GNAL: variants seen among roughly 807,000 people sequenced by gnomAD.
GNAL encodes the protein G protein subunit alpha L.
Under a neutral mutation model 55.1 loss-of-function variants are expected in GNAL, and 18 were observed. That is an observed-to-expected ratio of 0.33 (90% CI 0.23 to 0.48). The LOEUF (loss-of-function observed/expected upper bound fraction) is 0.48. Ranked by LOEUF, GNAL falls within the 20% of genes least tolerant of loss-of-function variation. The pLI is 0.99. For missense variants in GNAL, 412 were observed against 614.1 expected (o/e 0.67, Z 3.48); for synonymous variants, 253 against 237.0 (o/e 1.07, Z -0.62).
chr18:11,870,388 G>A (rs2036369172), intron 9 of GNAL, among the ~76,000 whole-genome samples: 1 of 152,130 alleles, frequency 6.6e-6, no homozygotes, highest in Admixed American at 6.5e-5. Context: ...AGGAGTGGTG[G>A]TGGGCGCCTG....
At chr18:11,880,290 G>T (rs1451137932) in intron 11 of GNAL, among the ~76,000 whole-genome samples, 2 of 147,838 alleles carry the variant, frequency 1.4e-5, no homozygotes, top group South Asian at 2.3e-4. Flanking sequence ...CTAATTAGGT[G>T]GGGCACAGTG....
intron 4 of GNAL, among the ~76,000 whole-genome samples, chr18:11,786,971 T>C (rs1286356266): frequency 6.6e-6 from 1 of 152,038 alleles, no homozygotes; most frequent in Non-Finnish European, 1.5e-5. Flanking sequence ...AAATAATCTC[T>C]GGCTGGGCCT....
intron 5 of GNAL, 90 bp from the exon 6 acceptor site, chr18:11,862,305 G>A: frequency 1.0e-6 from 1 of 957,120 alleles, no homozygotes; most frequent in Non-Finnish European, 1.7e-6. Context: ...CATCCTTGCT[G>A]TACTTGGGTG....
At chr18:11,875,025 G>A (rs1165890873) in intron 10 of GNAL, among the ~76,000 whole-genome samples, 1 of 152,204 alleles carries the variant, frequency 6.6e-6, no homozygotes, top group African/African-American at 2.4e-5. Context: ...AATAATGATA[G>A]GACCACATGA....
chr18:11,751,140 C>A lies in GNAL; in HGVS notation c.377-1713C>A, dbSNP rs1289778163. ...GCAGCGCCAAGCCCGAGACGGTCAA[C>A]TGGGAGCCGCCACACACAAGGAACA... On this transcript the variant is annotated intron_variant, in intron 1 of 11. Coordinates refer to ENST00000334049, the MANE Select transcript of GNAL (RefSeq NM_182978.4). This position sits in a 1 kb window ranked among gnomAD's most constrained non-coding sequence, Gnocchi z 4.5. 6.6e-6 allele frequency among the ~76,000 whole-genome samples: 1 copy of A among 152,150 alleles called. No individual in the cohort carries two copies. Among genetic ancestry groups the A allele is most frequent in the Non-Finnish European group, 1.5e-5 (1 of 68,026 alleles).
At chr18:11,764,322 G>C (rs1346241514) in intron 4 of GNAL, among the ~76,000 whole-genome samples, 1 of 152,014 alleles carries the variant, frequency 6.6e-6, no homozygotes, top group Admixed American at 6.6e-5. Context: ...GGCCAGGCTG[G>C]TCTCAAACTC....
chr18:11,800,928 C>T (rs2034505981), intron 4 of GNAL, among the ~76,000 whole-genome samples: 1 of 152,170 alleles, frequency 6.6e-6, no homozygotes, highest in Non-Finnish European at 1.5e-5. Flanking sequence ...ATACAACTCC[C>T]ACTTGCAGAC....
intron 11 of GNAL, among the ~76,000 whole-genome samples, chr18:11,879,749 C>T (rs967971853): frequency 6.6e-6 from 1 of 152,054 alleles, no homozygotes; most frequent in African/African-American, 2.4e-5. Flanking sequence ...ATTAGCACAT[C>T]ACTGAGGTGG....
chr18:11,785,086 C>T (rs556561859), intron 4 of GNAL, among the ~76,000 whole-genome samples: 4 of 152,272 alleles, frequency 2.6e-5, no homozygotes, highest in Admixed American at 6.5e-5. Flanking sequence ...CCCAGTCCCA[C>T]GCTCAGTTTT....
chr18:11,878,692 C>G (rs915903941), intron 11 of GNAL, among the ~76,000 whole-genome samples: 1 of 152,084 alleles, frequency 6.6e-6, no homozygotes, highest in Non-Finnish European at 1.5e-5. Flanking sequence ...GCCTCAGCCT[C>G]CTGAGTAGCT....
At chr18:11,821,537 G>T (rs191105341) in intron 4 of GNAL, among the ~76,000 whole-genome samples, 58 of 152,304 alleles carry the variant, frequency 3.8e-4, no homozygotes, top group Admixed American at 7.2e-4. Context: ...TTTAAATAGG[G>T]ATTATCATGT....
At chr18:11,783,000 C>T (rs954496977) in intron 4 of GNAL, among the ~76,000 whole-genome samples, 1 of 152,226 alleles carries the variant, frequency 6.6e-6, no homozygotes, top group African/African-American at 2.4e-5. Flanking sequence ...AAGCCAGACT[C>T]TGACTACGCA....
At position 11,722,493 on chromosome 18, in the gene GNAL, C is replaced by T. The variant is rs529031993; in HGVS notation, c.377-30360C>T. Among the ~76,000 whole-genome samples, 4 of 152,164 alleles carry T rather than the reference C, an allele frequency of 2.6e-5. No individual in the cohort carries two copies. The South Asian group carries it at 6.2e-4, about 24-fold the overall frequency. ...CCATGTAATTTGTTAGCAAATAAAG[C>T]ACCCTTCACTGTACCATAAAGATGG... On this transcript the variant is annotated intron_variant, in intron 1 of 11. Transcript: ENST00000334049.
At chr18:11,774,973 G>A (rs1425448275) in intron 4 of GNAL, among the ~76,000 whole-genome samples, 1 of 152,190 alleles carries the variant, frequency 6.6e-6, no homozygotes, top group Non-Finnish European at 1.5e-5. Flanking sequence ...ACACAGCACA[G>A]GCCATCTTTC....
At chr18:11,844,232 G>A (rs2035682170) in intron 5 of GNAL, among the ~76,000 whole-genome samples, 1 of 152,118 alleles carries the variant, frequency 6.6e-6, no homozygotes. Flanking sequence ...TCAGGAGTTT[G>A]AGGCCAGCCT....
rs1185783560 is a variant in GNAL, at chr18:11,752,350, T to A, written c.377-503T>A. 6.7e-7 allele frequency: 1 copy of A among 1,500,548 alleles called. No individual in the cohort carries two copies. The highest frequency in any genetic ancestry group is 1.5e-5 in the African/African-American group (1 of 68,772). 93.0% of individuals were successfully genotyped at this position (1,500,548 alleles called of 1,614,324 possible). On this transcript the variant is annotated intron_variant, in intron 1 of 11. Coordinates refer to ENST00000334049, the MANE Select transcript of GNAL (RefSeq NM_182978.4). This position sits in a 1 kb window ranked among gnomAD's most constrained non-coding sequence, Gnocchi z 4.5. ...TCAGCAGCAGGAAAGAGAGGAGCCG[T>A]CGCAGGAGCCGCACACGTCTCCAAC...
chr18:11,736,137 G>A (rs1177745645), intron 1 of GNAL, among the ~76,000 whole-genome samples: 1 of 152,182 alleles, frequency 6.6e-6, no homozygotes, highest in African/African-American at 2.4e-5. Flanking sequence ...TGGTTCACAT[G>A]TAATTCCAAC....
At chr18:11,823,437 A>G (rs1230571018) in intron 4 of GNAL, among the ~76,000 whole-genome samples, 2 of 152,192 alleles carry the variant, frequency 1.3e-5, no homozygotes, top group Non-Finnish European at 2.9e-5. Context: ...TGTCTCTGAT[A>G]CTGTGAAATC....
intron 4 of GNAL, among the ~76,000 whole-genome samples, chr18:11,814,101 A>C (rs1311198550): frequency 6.6e-6 from 1 of 152,224 alleles, no homozygotes; most frequent in Admixed American, 6.5e-5. Flanking sequence ...TAAGAAAAAA[A>C]ATGGAAGAAA....
Sources: allele counts gnomAD v4.1 joint callset (sites outside exome capture counted in the v4.1 genomes callset), GRCh38; gene constraint gnomAD v4.1.1; non-coding constraint Gnocchi (gnomAD v3.1); transcripts MANE v1.5; gene names NCBI Gene and HGNC (gene_info 2026-07-23, HGNC 2026-07-21).